The following SLC30A8 variants were observed in gnomAD, a reference collection of about 807,000 sequenced individuals.
SLC30A8 encodes proton-coupled zinc antiporter SLC30A8.
A neutral mutation model predicts 36.9 loss-of-function variants in SLC30A8; 27 were observed. The observed-to-expected ratio is 0.73, with a 90% confidence interval of 0.54 to 1.01. The LOEUF is 1.01. Among genes scored for constraint, SLC30A8 ranks in the 50% least tolerant of loss-of-function variants. SLC30A8 has a pLI of 0.00. For synonymous variants in SLC30A8, 164 were observed against 172.4 expected (o/e 0.95, Z 0.38); for missense variants, 439 against 452.0 (o/e 0.97, Z 0.26).
intron 1 of SLC30A8, among the ~76,000 whole-genome samples, chr8:117,015,086 G>A (rs911612852): frequency 6.6e-6 from 1 of 151,592 alleles, no homozygotes; most frequent in Non-Finnish European, 1.5e-5. Flanking sequence ...CTTTTTAGAG[G>A]CTGTTGAAAG....
chr8:116,960,978 T>G (rs930268795), intron 1 of SLC30A8, among the ~76,000 whole-genome samples: 8 of 151,692 alleles, frequency 5.3e-5, no homozygotes, highest in Admixed American at 3.3e-4. Context: ...CTCTGTAATA[T>G]TATTAGTACA....
intron 2 of SLC30A8, among the ~76,000 whole-genome samples, chr8:117,066,700 A>G (rs541670888): frequency 1.3e-5 from 2 of 151,000 alleles, no homozygotes; most frequent in South Asian, 4.2e-4. Context: ...TAGTGCTAGG[A>G]CTCCTGGAAA....
chr8:116,968,992 C>T (rs1814692141), intron 1 of SLC30A8, among the ~76,000 whole-genome samples: 1 of 152,114 alleles, frequency 6.6e-6, no homozygotes, highest in Non-Finnish European at 1.5e-5. Flanking sequence ...GCCTCAGTCT[C>T]CCAAAGTACT....
chr8:117,010,217 C>T (rs78681599), intron 1 of SLC30A8, among the ~76,000 whole-genome samples: 3,856 of 152,278 alleles, frequency 0.025, 87 homozygotes, highest in South Asian at 0.071. Flanking sequence ...TGAGGCAAAG[C>T]GGTTAGGCTC....
intron 1 of SLC30A8, among the ~76,000 whole-genome samples, chr8:117,038,707 A>G (rs1171568875): frequency 6.6e-6 from 1 of 152,244 alleles, no homozygotes; most frequent in East Asian, 1.9e-4. Context: ...CGTACTCTAG[A>G]AATGTGAAGA....
intron 4 of SLC30A8, among the ~76,000 whole-genome samples, chr8:117,159,536 TG>T (rs977337949): frequency 6.6e-6 from 1 of 152,204 alleles, no homozygotes; most frequent in Non-Finnish European, 1.5e-5. Context: ...ATTAGAAGAA[TG>T]GTGTTTGATC....
At chr8:117,006,676 G>T (rs1210579888) in intron 1 of SLC30A8, among the ~76,000 whole-genome samples, 2 of 151,696 alleles carry the variant, frequency 1.3e-5, no homozygotes, top group Non-Finnish European at 2.9e-5. Flanking sequence ...TTGCAGTTTG[G>T]AATGAATATC....
intron 1 of SLC30A8, among the ~76,000 whole-genome samples, chr8:116,980,702 C>T (rs1815220418): frequency 6.6e-6 from 1 of 152,138 alleles, no homozygotes; most frequent in Admixed American, 6.6e-5. Flanking sequence ...TGCAGCAGAA[C>T]AAGGTAAAGA....
chr8:116,962,594 C>CT (rs1301968056), intron 1 of SLC30A8, among the ~76,000 whole-genome samples: 2 of 151,922 alleles, frequency 1.3e-5, no homozygotes, highest in African/African-American at 4.8e-5. Flanking sequence ...TCAGTTTAGT[C>CT]ACTAGTTGAT....
chr8:117,044,379 A>G (rs557245194), intron 2 of SLC30A8, among the ~76,000 whole-genome samples: 1 of 152,174 alleles, frequency 6.6e-6, no homozygotes, highest in Non-Finnish European at 1.5e-5. Flanking sequence ...CAAAAGGGTG[A>G]TGGAGAATCC....
intron 2 of SLC30A8, among the ~76,000 whole-genome samples, chr8:117,041,565 C>T (rs981841085): frequency 4.6e-5 from 7 of 152,006 alleles, no homozygotes; most frequent in African/African-American, 1.4e-4. Flanking sequence ...TGGTGGGCAC[C>T]TGTAATTTCA....
chr8:116,996,494 G>T lies in SLC30A8; in HGVS notation c.-265-42725G>T, dbSNP rs187835045. Among the ~76,000 whole-genome samples, 354 of 152,138 alleles carry T rather than the reference G, an allele frequency of 2.3e-3. 2 individuals are homozygous for T. The highest frequency in any genetic ancestry group is 8.2e-3 in the African/African-American group (340 of 41,508). The stretch of plus-strand genomic sequence containing the variant: ...TACCTCACATACTTATTTTTTTGTG[G>T]TGAGGGTACTTAAAATCTACTCTTA... On this transcript the variant is annotated intron_variant, in intron 1 of 10. Coordinates refer to the SLC30A8 transcript ENST00000427715.
intron 1 of SLC30A8, among the ~76,000 whole-genome samples, chr8:117,028,209 A>T (rs1816931590): frequency 6.6e-6 from 1 of 152,164 alleles, no homozygotes; most frequent in Non-Finnish European, 1.5e-5. Context: ...CTCATATCAC[A>T]ATCACTTATA....
chr8:117,030,258 TAAAA>T (rs34275499), intron 1 of SLC30A8, among the ~76,000 whole-genome samples: 1 of 139,562 alleles, frequency 7.2e-6, no homozygotes, highest in South Asian at 2.3e-4. Flanking sequence ...TTGCTTTTGT[TAAAA>T]AAAAAAAAAA....
intron 1 of SLC30A8, among the ~76,000 whole-genome samples, chr8:116,973,095 CAT>C (rs1161873233): frequency 1.3e-5 from 2 of 152,194 alleles, no homozygotes; most frequent in African/African-American, 2.4e-5. Context: ...CTCTTTCTAA[CAT>C]GTGAGGACAC....
chr8:117,008,790 CT>C (rs1218381707), intron 1 of SLC30A8, among the ~76,000 whole-genome samples: 1 of 152,186 alleles, frequency 6.6e-6, no homozygotes, highest in Non-Finnish European at 1.5e-5. Flanking sequence ...GCCCCAGAGC[CT>C]AGCCTGATGA....
At chr8:117,105,030 C>T (rs540822609) in intron 2 of SLC30A8, among the ~76,000 whole-genome samples, 1 of 152,216 alleles carries the variant, frequency 6.6e-6, no homozygotes, top group South Asian at 2.1e-4. Context: ...TCACTTTTGT[C>T]ACCATCTTGG....
At chr8:117,015,172 C>T (rs1816475349) in intron 1 of SLC30A8, among the ~76,000 whole-genome samples, 1 of 151,962 alleles carries the variant, frequency 6.6e-6, no homozygotes, top group African/African-American at 2.4e-5. Context: ...TTCTATCAAC[C>T]ATAAAACTTC....
chr8:116,988,304 T>C (rs1005865938), intron 1 of SLC30A8, among the ~76,000 whole-genome samples: 33 of 152,208 alleles, frequency 2.2e-4, no homozygotes, highest in African/African-American at 7.7e-4. Flanking sequence ...CATGCTGTTA[T>C]ATTGCGTACT....
Sources: allele counts gnomAD v4.1 joint callset (sites outside exome capture counted in the v4.1 genomes callset), GRCh38; gene constraint gnomAD v4.1.1; transcripts MANE v1.5; gene names NCBI Gene and HGNC (gene_info 2026-07-23, HGNC 2026-07-21).